DNAH8: variants seen among roughly 807,000 people sequenced by gnomAD.
The protein encoded by DNAH8 is axonemal beta dynein heavy chain 8.
Under a neutral mutation model 562.1 loss-of-function variants are expected in DNAH8, and 382 were observed. The observed-to-expected ratio is 0.68, with a 90% CI of 0.63 to 0.74. The LOEUF (loss-of-function observed/expected upper bound fraction) is 0.74. DNAH8 is among the 30% of genes least tolerant of loss of function. DNAH8 has a pLI of 0.00. For synonymous variants in DNAH8, 1,881 were observed against 1,919.4 expected, an observed-to-expected ratio of 0.98 and a Z score of 0.52; for missense variants, 5,203 against 5,620.4, an observed-to-expected ratio of 0.93 and a Z score of 2.37.
intron 82 of DNAH8, among the ~76,000 whole-genome samples, chr6:38,957,644 A>G (rs550182475): frequency 3.3e-5 from 5 of 152,126 alleles, no homozygotes; most frequent in Admixed American, 6.5e-5. Context: ...CTTGACCACA[A>G]TGGAATGAAA....
intron 22 of DNAH8, among the ~76,000 whole-genome samples, chr6:38,804,047 C>T (rs1215574128): frequency 1.3e-5 from 2 of 152,204 alleles, no homozygotes; most frequent in East Asian, 1.9e-4. Flanking sequence ...TTCATCACAT[C>T]TGTTCAGGCA....
chr6:38,894,289 T>G (rs1043358163), intron 58 of DNAH8, among the ~76,000 whole-genome samples: 1 of 152,242 alleles, frequency 6.6e-6, no homozygotes, highest in Non-Finnish European at 1.5e-5. Context: ...GAACATTCGT[T>G]GTTCTTACCT....
At chr6:38,797,305 G>A (rs189321534) in intron 21 of DNAH8, among the ~76,000 whole-genome samples, 1 of 152,252 alleles carries the variant, frequency 6.6e-6, no homozygotes, top group African/African-American at 2.4e-5. Context: ...GGCCAGCTAG[G>A]CTTCTTAAGT....
chr6:38,779,871 AT>A, intron 14 of DNAH8, 94 bp from the exon 15 acceptor site: 2 of 1,204,916 alleles, frequency 1.7e-6, no homozygotes, highest in Non-Finnish European at 1.2e-6. Flanking sequence ...TGGTATGAAT[AT>A]TTGTCAAATG....
chr6:38,917,264 C>T lies in DNAH8; in HGVS notation c.10166C>T (p.Thr3389Ile). Residue 3389 changes from threonine to isoleucine, a missense_variant, in exon 69 of 93, where the codon ACA (threonine) becomes ATA (isoleucine). Physicochemically the swap from Thr to Ile is moderately conservative, Grantham distance 89. Coordinates refer to ENST00000327475, the MANE Select transcript of DNAH8 (RefSeq NM_001206927.2). ...LNTIKPNDIATVRKLAKPPHL... is the reference protein window; with the variant it reads ...LNTIKPNDIAIVRKLAKPPHL... ...ACTATCAAGCCAAATGATATTGCCA[C>T]AGTCAGGAAACTTGCAAAACCACCA... The T allele has an allele frequency of 6.2e-7, 1 of 1,612,388 alleles. No homozygotes were observed. Among genetic ancestry groups the T allele is most frequent in the Non-Finnish European group, 8.5e-7 (1 of 1,179,220 alleles).
intron 43 of DNAH8, among the ~76,000 whole-genome samples, chr6:38,861,349 C>T (rs1049159091): frequency 6.6e-6 from 1 of 152,170 alleles, no homozygotes; most frequent in African/African-American, 2.4e-5. Context: ...ACATATTAAG[C>T]ATCGTGTCTC....
chr6:38,998,060 C>T (rs1482652436), intron 88 of DNAH8, among the ~76,000 whole-genome samples: 1 of 152,196 alleles, frequency 6.6e-6, no homozygotes, highest in African/African-American at 2.4e-5. Context: ...GCCCAGCCAT[C>T]ACTTGATGAT....
At chr6:38,788,168 T>G (rs1201228219) in intron 18 of DNAH8, among the ~76,000 whole-genome samples, 1 of 132,818 alleles carries the variant, frequency 7.5e-6, no homozygotes, top group Non-Finnish European at 1.7e-5. Context: ...TTTTTTTTTG[T>G]TGTTGTTGGA....
chr6:38,866,649 C>G lies in DNAH8; in HGVS notation c.6557C>G (p.Thr2186Ser). The change falls in exon 46 of 93, where the codon ACT (threonine) becomes AGT (serine). Residue 2186 changes from threonine to serine, a missense_variant. Physicochemically the swap from Thr to Ser is moderately conservative, Grantham distance 58. Transcript: ENST00000327475. ...GAAAACCTAAAAATCCAGTTTAGAACTGTTGCTATGATGGTTCCTGATAGA... is the reference window on the plus strand; with the variant it reads ...GAAAACCTAAAAATCCAGTTTAGAAGTGTTGCTATGATGGTTCCTGATAGA... ...LPENLKIQFRTVAMMVPDRQI... is the reference protein window; with the variant it reads ...LPENLKIQFRSVAMMVPDRQI... The G allele has an allele frequency of 6.2e-7, 1 of 1,613,102 alleles. No individual in the cohort carries two copies. The highest frequency in any genetic ancestry group is 8.5e-7 in the Non-Finnish European group (1 of 1,179,688).
chr6:38,876,555 G>A lies in DNAH8; in HGVS notation c.7858+727G>A, dbSNP rs111639657. On this transcript the variant is annotated intron_variant, in intron 53 of 92. Coordinates refer to ENST00000327475, the MANE Select transcript of DNAH8 (RefSeq NM_001206927.2). ...AAAGCAAGAAAGCAGTAAGGTAAGCGGCAGTCGATTTAGCACACTGGCAGT... is the reference window on the plus strand; with the variant it reads ...AAAGCAAGAAAGCAGTAAGGTAAGCAGCAGTCGATTTAGCACACTGGCAGT... Among the ~76,000 whole-genome samples the A allele has an allele frequency of 5.3e-3, 812 of 152,288 alleles. 5 individuals are homozygous for A. Among genetic ancestry groups the A allele is most frequent in the Non-Finnish European group, 8.5e-3 (579 of 68,020 alleles).
rs572125237 is a variant in DNAH8, at chr6:38,953,757, A to G, written c.12451+2237A>G. ...ACAACATGTTAATGTAGTCTCAGCT[A>G]TTAATATTTTATTTGAAAATCTGGA... On this transcript the variant is annotated intron_variant, in intron 82 of 92. Coordinates refer to ENST00000327475, the MANE Select transcript of DNAH8 (RefSeq NM_001206927.2). Among the ~76,000 whole-genome samples the G allele has an allele frequency of 5.9e-5, 9 of 152,292 alleles. No individual in the cohort carries two copies. In the South Asian group the frequency reaches 1.0e-3, roughly 18 times the overall value.
In DNAH8 at chr6:38,945,559, C is replaced by T. The variant is rs146505940; in HGVS notation, c.12100C>T (p.Leu4034Phe). 1,980 of 1,614,136 alleles carry T rather than the reference C, an allele frequency of 1.2e-3. 3 individuals are homozygous for T. The highest frequency in any genetic ancestry group is 1.5e-3 in the Non-Finnish European group (1,813 of 1,180,004). The change falls in exon 80 of 93, where the codon CTT becomes TTT. Residue 4034 changes from leucine to phenylalanine, a missense_variant. By Grantham distance (22) the Leu-to-Phe change is conservative. Transcript: ENST00000327475. ...TWLNLVELSK[L>F]PQFAEIMNQI... is the part of the protein sequence containing the mutation. ...GCTGAATCTTGTGGAGCTGAGTAAA[C>T]TTCCACAATTTGCAGAAATTATGAA...
At chr6:38,847,919 A>G (rs1167072538) in intron 36 of DNAH8, among the ~76,000 whole-genome samples, 1 of 152,126 alleles carries the variant, frequency 6.6e-6, no homozygotes, top group Non-Finnish European at 1.5e-5. Flanking sequence ...AGCCCTGATG[A>G]TCAGAAAACA....
intron 53 of DNAH8, among the ~76,000 whole-genome samples, chr6:38,879,801 G>A (rs1277435026): frequency 1.3e-5 from 2 of 152,198 alleles, no homozygotes; most frequent in Non-Finnish European, 2.9e-5. Flanking sequence ...ATGACCATCT[G>A]TGGAATCTTC....
intron 52 of DNAH8, among the ~76,000 whole-genome samples, chr6:38,874,219 TCG>T: frequency 7.7e-6 from 1 of 129,862 alleles, no homozygotes; most frequent in African/African-American, 3.0e-5. Context: ...TCTTTCTCTC[TCG>T]CTCTCTCTTT....
intron 92 of DNAH8, among the ~76,000 whole-genome samples, chr6:39,029,531 C>A (rs1767529395): frequency 6.6e-6 from 1 of 152,188 alleles, no homozygotes; most frequent in Non-Finnish European, 1.5e-5. Context: ...AGGGTAGGGC[C>A]TATTGTATGA....
In DNAH8 at chr6:38,951,424, G is replaced by C. The variant is rs140519170; in HGVS notation, c.12355G>C (p.Glu4119Gln). Residue 4119 changes from glutamate to glutamine, a missense_variant, in exon 82 of 93, where the codon GAA (glutamate) becomes CAA (glutamine). Coordinates refer to ENST00000327475, the MANE Select transcript of DNAH8 (RefSeq NM_001206927.2). ...TATCTTAAATCTGGAGAAAACTTGG[G>C]AAGAAAGTGATACCCGGACACCTCT... ...PVILNLEKTW[E>Q]ESDTRTPLIC... 19 of 1,613,962 alleles carry C rather than the reference G, an allele frequency of 1.2e-5. No homozygotes were observed. Among genetic ancestry groups the C allele is most frequent in the Non-Finnish European group, 1.5e-5 (18 of 1,180,018 alleles).
At chr6:38,945,648 G>A (rs944941028) in intron 80 of DNAH8, 60 bp downstream of exon 80, 34 of 1,599,620 alleles carry the variant, frequency 2.1e-5, no homozygotes, top group African/African-American at 5.4e-5. Flanking sequence ...TACCTGGGCC[G>A]CTTAAACTGG....
rs150997589 is a variant in DNAH8, at chr6:38,760,614, A to G, written c.1516-1088A>G. ...TGGATATTTGTCCCCTCCAAATCTC[A>G]TGTTGAAATGTGATCCTCAGTGTTG... On this transcript the variant is annotated intron_variant, in intron 10 of 92. Transcript: ENST00000327475. Among the ~76,000 whole-genome samples the G allele has an allele frequency of 1.4e-3, 214 of 152,232 alleles. 1 individual carries two copies. Among genetic ancestry groups the G allele is most frequent in the African/African-American group, 5.0e-3 (206 of 41,522 alleles).
Sources: gnomAD v4.1 joint callset for allele counts (sites outside exome capture counted in the v4.1 genomes callset) on GRCh38, gnomAD v4.1.1 for gene constraint, MANE v1.5 for transcripts, NCBI Gene and HGNC (gene_info 2026-07-23, HGNC 2026-07-21) for gene names.